Variants in OSBPL10 observed in about 807,000 individuals in gnomAD.
OSBPL10 encodes oxysterol-binding protein-related protein 10.
A neutral mutation model predicts 81.7 loss-of-function variants in OSBPL10; 49 were observed. The ratio of observed to expected loss-of-function variants is 0.60; its 90% CI spans 0.48 to 0.76. The LOEUF is 0.76. OSBPL10 is among the 30% of genes least tolerant of loss of function. The pLI is 0.00. For missense variants in OSBPL10, 923 were observed against 987.8 expected (o/e 0.93, Z 0.88); for synonymous variants, 419 against 383.6 (o/e 1.09, Z -1.08).
At chr3:32,004,928 CTTA>C (rs968991843) in intron 2 of OSBPL10, among the ~76,000 whole-genome samples, 3 of 152,194 alleles carry the variant, frequency 2.0e-5, no homozygotes, top group African/African-American at 4.8e-5. Context: ...TCAATTCCCA[CTTA>C]TGTTTCTCCC....
At chr3:31,919,732 G>C (rs754276964) in intron 1 of OSBPL10, among the ~76,000 whole-genome samples, 3 of 152,220 alleles carry the variant, frequency 2.0e-5, no homozygotes, top group Non-Finnish European at 4.4e-5. Flanking sequence ...TCCAGAATGT[G>C]CCTCCAAAAC....
chr3:31,662,016 C>T lies in OSBPL10; in HGVS notation c.*56G>A. The T allele has an allele frequency of 1.2e-6, 2 of 1,602,934 alleles. No homozygotes were observed. The highest frequency in any genetic ancestry group is 1.7e-5 in the Admixed American group (1 of 57,596). Reference sequence around the variant, plus strand: ...CCAACAAAACCCTGATACTCTACTACTTTAATATTCCTACAAAAACAGGGC... The same window carrying T: ...CCAACAAAACCCTGATACTCTACTATTTTAATATTCCTACAAAAACAGGGC... On this transcript the variant is annotated 3_prime_UTR_variant, in exon 12 of 12. Coordinates refer to ENST00000396556, the MANE Select transcript of OSBPL10 (RefSeq NM_017784.5).
intron 1 of OSBPL10, among the ~76,000 whole-genome samples, chr3:31,926,195 A>G (rs935441254): frequency 6.7e-6 from 1 of 149,876 alleles, no homozygotes; most frequent in Non-Finnish European, 1.5e-5. Context: ...ACAAATGTTT[A>G]TTCATTTTCT....
intron 7 of OSBPL10, among the ~76,000 whole-genome samples, chr3:31,695,785 A>G (rs1695700882): frequency 6.6e-6 from 1 of 151,926 alleles, no homozygotes; most frequent in Non-Finnish European, 1.5e-5. Context: ...CTCCCTTCTC[A>G]AACCTCTAAT....
chr3:31,801,517 G>C (rs553276120), intron 4 of OSBPL10, among the ~76,000 whole-genome samples: 1 of 152,234 alleles, frequency 6.6e-6, no homozygotes, highest in African/African-American at 2.4e-5. Flanking sequence ...GGGTGAAACA[G>C]AGGCCAATTT....
chr3:31,830,199 A>G lies in OSBPL10; in HGVS notation c.570T>C (p.Thr190=). 1 of 1,614,048 alleles carries G rather than the reference A, an allele frequency of 6.2e-7. No homozygotes were observed. The highest frequency in any genetic ancestry group is 8.5e-7 in the Non-Finnish European group (1 of 1,179,978). The change falls in exon 4 of 12, where the codon ACT becomes ACC. Residue 190 remains threonine (T), a synonymous_variant. Transcript: ENST00000396556. ...AATTGGGTGTTCCATGTGGGAGCAAAGTGAGACTTCGGCTTCGGGAGCTTG... is the reference window on the plus strand; with the variant it reads ...AATTGGGTGTTCCATGTGGGAGCAAGGTGAGACTTCGGCTTCGGGAGCTTG... The part of the protein sequence containing the change: ...SAPSSRSRSL[T]LLPHGTPNSA...
At chr3:31,768,021 T>C (rs1698254463) in intron 4 of OSBPL10, among the ~76,000 whole-genome samples, 1 of 152,216 alleles carries the variant, frequency 6.6e-6, no homozygotes, top group Non-Finnish European at 1.5e-5. Context: ...TTTATGGTTA[T>C]TTCTTGATCG....
chr3:32,057,884 A>C (rs936505846), intron 1 of OSBPL10, among the ~76,000 whole-genome samples: 1 of 152,232 alleles, frequency 6.6e-6, no homozygotes, highest in African/African-American at 2.4e-5. Context: ...TGAGACACAT[A>C]AACTTTTAGC....
chr3:32,067,133 A>G (rs141778145), intron 1 of OSBPL10, among the ~76,000 whole-genome samples: 305 of 152,262 alleles, frequency 2.0e-3, no homozygotes, highest in African/African-American at 6.9e-3. Context: ...CCAATGGAAC[A>G]CCTTTAAAAA....
intron 4 of OSBPL10, among the ~76,000 whole-genome samples, chr3:31,828,309 G>T (rs1220155548): frequency 6.6e-6 from 1 of 152,140 alleles, no homozygotes; most frequent in Non-Finnish European, 1.5e-5. Context: ...AAATAAAGTG[G>T]TGGGGGAAAT....
At chr3:31,780,708 G>C (rs569700013) in intron 4 of OSBPL10, among the ~76,000 whole-genome samples, 1 of 152,240 alleles carries the variant, frequency 6.6e-6, no homozygotes, top group East Asian at 1.9e-4. Context: ...AGAAAATCTA[G>C]AGGAGATAGA....
Position 31,718,772 on chromosome 3 carries a change from T to G in OSBPL10, c.1095+14485A>C, listed in dbSNP as rs184114135. ...AACAAACGAATTGTTTTTTTCAACT[T>G]GACAAGTATCCTGCATAAAACTGCA... On this transcript the variant is annotated intron_variant, in intron 6 of 11. Coordinates refer to ENST00000396556, the MANE Select transcript of OSBPL10 (RefSeq NM_017784.5). 7.9e-5 allele frequency: 12 copies of G among 152,314 alleles called. No individual in the cohort carries two copies. In the East Asian group the frequency reaches 1.9e-3, roughly 24 times the overall value. The allele number at this position is 152,314 out of a possible 1,614,324, so 9.4% of individuals were successfully genotyped here. A position where few individuals can be genotyped will look rare whatever the true frequency, so the allele number is the denominator to read the frequency against.
chr3:31,969,229 A>G (rs1478762013), intron 1 of OSBPL10, among the ~76,000 whole-genome samples: 3 of 152,174 alleles, frequency 2.0e-5, no homozygotes, highest in Non-Finnish European at 4.4e-5. Context: ...CTCTGCATAA[A>G]TCAAGACATC....
At chr3:31,674,701 C>T (rs1700418980) in intron 8 of OSBPL10, among the ~76,000 whole-genome samples, 1 of 152,222 alleles carries the variant, frequency 6.6e-6, no homozygotes, top group Non-Finnish European at 1.5e-5. Flanking sequence ...GGTTCCCCTT[C>T]CTCTTCCACC....
At chr3:31,999,507 T>G (rs1361765310) in intron 2 of OSBPL10, among the ~76,000 whole-genome samples, 2 of 151,822 alleles carry the variant, frequency 1.3e-5, no homozygotes, top group Non-Finnish European at 2.9e-5. Flanking sequence ...ATTACAGGCA[T>G]GCACAACCAC....
intron 4 of OSBPL10, among the ~76,000 whole-genome samples, chr3:31,776,417 A>G (rs1231346523): frequency 6.6e-6 from 1 of 152,230 alleles, no homozygotes; most frequent in Non-Finnish European, 1.5e-5. Context: ...AGTTCCTCAA[A>G]AAGTTAAACA....
intron 2 of OSBPL10, chr3:31,988,986 A>G: frequency 1.3e-6 from 2 of 1,514,178 alleles, no homozygotes; most frequent in South Asian, 2.4e-5. Flanking sequence ...AGTTTGTGAT[A>G]ATTTGTTTCT....
chr3:31,819,409 G>GT (rs1225036923), intron 4 of OSBPL10, among the ~76,000 whole-genome samples: 11 of 152,168 alleles, frequency 7.2e-5, no homozygotes, highest in African/African-American at 2.7e-4. Flanking sequence ...CTTTACATAC[G>GT]AGAGATGTAA....
chr3:31,990,741 AAC>A lies in OSBPL10; in HGVS notation n.298+55748_298+55749del, dbSNP rs779506053. ...TTTTCAGTCGCAAATCACACCATGA[AAC>A]ACATAAGAGAATTCATACTGGAGAG... On this transcript the variant is annotated intron_variant and non_coding_transcript_variant, in intron 2 of 3. Transcript: ENST00000479173. The A allele has an allele frequency of 1.9e-6, 3 of 1,614,038 alleles. No individual in the cohort carries two copies. In the South Asian group the frequency reaches 3.3e-5, roughly 18 times the overall value.
Sources: allele counts gnomAD v4.1 joint callset (sites outside exome capture counted in the v4.1 genomes callset), GRCh38; gene constraint gnomAD v4.1.1; transcripts MANE v1.5; gene names NCBI Gene and HGNC (gene_info 2026-07-23, HGNC 2026-07-21).